IL1RAPL1: variants seen among roughly 807,000 people sequenced by gnomAD.
IL1RAPL1 encodes interleukin-1 receptor accessory protein-like 1.
In IL1RAPL1, 3 loss-of-function variants were observed where a neutral mutation model predicts 48.4. That is an observed-to-expected ratio of 0.06 (90% confidence interval 0.03 to 0.16). The LOEUF is 0.16. Ranked by LOEUF, IL1RAPL1 falls within the 10% of genes least tolerant of loss-of-function variation. IL1RAPL1 has a pLI of 1.00. For missense variants in IL1RAPL1, 349 were observed against 530.6 expected (o/e 0.66, Z 3.36); for synonymous variants, 185 against 187.7 (o/e 0.99, Z 0.12).
chrX:29,605,117 CACACACACACGGAG>C (rs1923849737), intron 5 of IL1RAPL1, among the ~76,000 whole-genome samples: 1 of 102,024 alleles, frequency 9.8e-6, no homozygotes, highest in African/African-American at 3.8e-5. Context: ...CACACACACA[CACACACACACGGAG>C]GGAGGGAGGG....
At chrX:29,746,408 T>C (rs1362779854) in intron 6 of IL1RAPL1, among the ~76,000 whole-genome samples, 1 of 111,795 alleles carries the variant, frequency 8.9e-6, no homozygotes, top group Non-Finnish European at 1.9e-5. Flanking sequence ...GTCATTTCTT[T>C]GCAATAAAAA....
chrX:29,545,178 C>CCTATCTATCTAT (rs74314245), intron 5 of IL1RAPL1, among the ~76,000 whole-genome samples: 4 of 91,848 alleles, frequency 4.4e-5, no homozygotes, highest in Non-Finnish European at 8.6e-5. Context: ...GAAAACTAAT[C>CCTATCTATCTAT]CTATCTATCT....
At chrX:28,903,249 A>C (rs2147327470) in intron 2 of IL1RAPL1, among the ~76,000 whole-genome samples, 1 of 110,337 alleles carries the variant, frequency 9.1e-6, no homozygotes, top group African/African-American at 3.3e-5. Flanking sequence ...CCTCCCAAGT[A>C]GCTGAGGTTA....
At chrX:28,863,675 A>G in intron 2 of IL1RAPL1, among the ~76,000 whole-genome samples, 1 of 111,721 alleles carries the variant, frequency 9.0e-6, no homozygotes, top group Non-Finnish European at 1.9e-5. Context: ...AGTGACTACT[A>G]CTATACCTAG....
At chrX:29,623,827 G>GA (rs937036228) in intron 5 of IL1RAPL1, among the ~76,000 whole-genome samples, 1 of 111,590 alleles carries the variant, frequency 9.0e-6, no homozygotes, top group African/African-American at 3.3e-5. Flanking sequence ...CCTGTGAACT[G>GA]AAAAAACTGC....
At position 29,163,605 on chromosome X, in the gene IL1RAPL1, A is replaced by G. The variant is rs369267812; in HGVS notation, c.83-119333A>G. ...GCAATTACAGGTGAGAGGTAATAAGACCTCTGAAGTAGGACATGGCAGTAG... is the reference window on the plus strand; with the variant it reads ...GCAATTACAGGTGAGAGGTAATAAGGCCTCTGAAGTAGGACATGGCAGTAG... On this transcript the variant is annotated intron_variant, in intron 2 of 10. Coordinates refer to ENST00000378993, the MANE Select transcript of IL1RAPL1 (RefSeq NM_014271.4). Among the ~76,000 whole-genome samples the G allele has an allele frequency of 5.4e-5, 6 of 111,183 alleles. No homozygotes were observed. In the East Asian group the frequency reaches 1.7e-3, roughly 31 times the overall value.
At chrX:29,684,884 A>G (rs1278708027) in intron 6 of IL1RAPL1, among the ~76,000 whole-genome samples, 1 of 112,465 alleles carries the variant, frequency 8.9e-6, no homozygotes, top group Non-Finnish European at 1.9e-5. Context: ...ACTTCTTGAA[A>G]TAGACAAAGT....
intron 8 of IL1RAPL1, among the ~76,000 whole-genome samples, chrX:29,921,411 T>C (rs759836379): frequency 8.9e-6 from 1 of 111,945 alleles, no homozygotes; most frequent in Non-Finnish European, 1.9e-5. Flanking sequence ...TGAATAATAT[T>C]ACTGAATGCT....
chrX:29,443,171 C>T (rs2147720541), intron 5 of IL1RAPL1, among the ~76,000 whole-genome samples: 1 of 108,692 alleles, frequency 9.2e-6, no homozygotes, highest in African/African-American at 3.3e-5. Flanking sequence ...TAATGTGTCT[C>T]ATTCAGAGTG....
At chrX:29,109,904 AAG>A (rs772039758) in intron 2 of IL1RAPL1, among the ~76,000 whole-genome samples, 4 of 111,865 alleles carry the variant, frequency 3.6e-5, no homozygotes, top group South Asian at 3.7e-4. Flanking sequence ...AGAAATATAA[AAG>A]AGAGTTTTAC....
intron 2 of IL1RAPL1, among the ~76,000 whole-genome samples, chrX:29,201,194 C>T (rs2147533842): frequency 9.0e-6 from 1 of 111,663 alleles, no homozygotes; most frequent in African/African-American, 3.2e-5. Context: ...ATATCATAAT[C>T]CAGAATATTA....
intron 2 of IL1RAPL1, among the ~76,000 whole-genome samples, chrX:29,135,144 T>C (rs1929098923): frequency 8.9e-6 from 1 of 111,888 alleles, no homozygotes; most frequent in South Asian, 3.8e-4. Flanking sequence ...CTTTGACTGG[T>C]TGATGCATAT....
At chrX:29,906,355 A>AC (rs1377744150) in intron 6 of IL1RAPL1, among the ~76,000 whole-genome samples, 3 of 96,983 alleles carry the variant, frequency 3.1e-5, no homozygotes, top group Admixed American at 1.2e-4. Flanking sequence ...ACAAACAACA[A>AC]AAAAAAAAAC....
intron 3 of IL1RAPL1, among the ~76,000 whole-genome samples, chrX:29,385,014 T>G (rs1933756394): frequency 9.5e-6 from 1 of 105,624 alleles, no homozygotes; most frequent in South Asian, 4.1e-4. Context: ...AAGTGTACCA[T>G]TCTAATTTTT....
At chrX:29,320,094 CA>C (rs1428783108) in intron 3 of IL1RAPL1, among the ~76,000 whole-genome samples, 1 of 111,210 alleles carries the variant, frequency 9.0e-6, no homozygotes, top group Non-Finnish European at 1.9e-5. Flanking sequence ...GTGTTGAGTA[CA>C]AAGTTTGACC....
intron 2 of IL1RAPL1, among the ~76,000 whole-genome samples, chrX:28,924,875 A>G (rs1359631275): frequency 1.8e-5 from 2 of 112,193 alleles, no homozygotes; most frequent in African/African-American, 6.5e-5. Flanking sequence ...GCAAGGGCAC[A>G]TGATTTTTTT....
At chrX:29,522,349 C>T (rs778621333) in intron 5 of IL1RAPL1, among the ~76,000 whole-genome samples, 7 of 110,241 alleles carry the variant, frequency 6.3e-5, no homozygotes, top group Admixed American at 9.7e-5. Context: ...TTTGTAGCTA[C>T]GAGGTCGCAT....
chrX:28,902,890 G>T (rs1601951645), intron 2 of IL1RAPL1, among the ~76,000 whole-genome samples: 1 of 110,836 alleles, frequency 9.0e-6, no homozygotes, highest in African/African-American at 3.3e-5. Flanking sequence ...CAGGGAGTGA[G>T]GGATTTAGGT....
At chrX:29,262,924 A>G (rs1287675343) in intron 2 of IL1RAPL1, among the ~76,000 whole-genome samples, 1 of 111,581 alleles carries the variant, frequency 9.0e-6, no homozygotes, top group Admixed American at 9.6e-5. Flanking sequence ...ACTCAGTTTA[A>G]GTTTCATGTT....
Sources: gnomAD v4.1 joint callset for allele counts (sites outside exome capture counted in the v4.1 genomes callset) on GRCh38, gnomAD v4.1.1 for gene constraint, MANE v1.5 for transcripts, NCBI Gene and HGNC (gene_info 2026-07-23, HGNC 2026-07-21) for gene names.